The following HTR5A variants were observed in gnomAD, a reference collection of about 807,000 sequenced individuals.
HTR5A encodes the protein 5-HT-5.
HTR5A carries 21 observed loss-of-function variants against 24.3 expected under a neutral mutation model. The observed-to-expected ratio is 0.86, with a 90% CI of 0.61 to 1.24. The LOEUF is 1.24. Ranked by LOEUF, HTR5A falls within the 50% of genes most tolerant of loss-of-function variation. The pLI is 0.00. For synonymous variants in HTR5A, 260 were observed against 213.7 expected (o/e 1.22, Z -1.89); for missense variants, 497 against 489.5 (o/e 1.02, Z -0.15).
In HTR5A at chr7:155,085,993, G is replaced by A. The variant is rs192832498; in HGVS notation, c.*1506G>A. On this transcript the variant is annotated 3_prime_UTR_variant, in exon 2 of 2. Coordinates refer to ENST00000287907, the MANE Select transcript of HTR5A (RefSeq NM_024012.4). ...TCAAGCAGATTCATTGAGAAATTTA[G>A]TGATAAGAATTGAAGAATTTATTTA... 2.0e-5 allele frequency among the ~76,000 whole-genome samples: 3 copies of A among 152,272 alleles called. No homozygotes were observed. The highest frequency in any genetic ancestry group is 7.2e-5 in the African/African-American group (3 of 41,566).
intron 1 of HTR5A, among the ~76,000 whole-genome samples, chr7:155,080,387 A>C (rs1795402855): frequency 6.6e-6 from 1 of 152,216 alleles, no homozygotes; most frequent in Non-Finnish European, 1.5e-5. Context: ...AAATACATTG[A>C]GCAATAAGAG....
intron 1 of HTR5A, among the ~76,000 whole-genome samples, chr7:155,073,864 T>TATATATATATATATATAC (rs1563419431): frequency 4.2e-5 from 3 of 71,418 alleles, no homozygotes; most frequent in African/African-American, 1.6e-4. Context: ...TGTGTGTGTG[T>TATATATATATATATATAC]GTATATATAT....
intron 1 of HTR5A, among the ~76,000 whole-genome samples, chr7:155,072,317 C>G (rs1218034222): frequency 1.3e-5 from 2 of 152,122 alleles, no homozygotes; most frequent in Non-Finnish European, 2.9e-5. Context: ...ATGGGTCTAT[C>G]CCCCACAGCC....
At chr7:155,072,227 C>T (rs914314725) in intron 1 of HTR5A, among the ~76,000 whole-genome samples, 10 of 152,172 alleles carry the variant, frequency 6.6e-5, no homozygotes, top group African/African-American at 9.7e-5. Context: ...CCCGTCCTGA[C>T]GTAAGACTGA....
At chr7:155,075,612 G>A (rs956293677) in intron 1 of HTR5A, among the ~76,000 whole-genome samples, 1 of 152,166 alleles carries the variant, frequency 6.6e-6, no homozygotes, top group Non-Finnish European at 1.5e-5. Flanking sequence ...TTGTGTATCT[G>A]TTAGGTAGCT....
chr7:155,071,523 C>G lies in HTR5A; in HGVS notation c.624C>G (p.Ala208=). ...ACGCCGTGTTCTCCACCGTAGGCGCCTTCTACCTGCCGCTCTGTGTGGTGC... is the reference window on the plus strand; with the variant it reads ...ACGCCGTGTTCTCCACCGTAGGCGCGTTCTACCTGCCGCTCTGTGTGGTGC... ...PSYAVFSTVG[A]FYLPLCVVLF... The change falls in exon 1 of 2, where the codon GCC becomes GCG. Residue 208 remains alanine (A), a synonymous_variant. Coordinates refer to ENST00000287907, the MANE Select transcript of HTR5A (RefSeq NM_024012.4). The G allele has an allele frequency of 1.2e-6, 2 of 1,614,194 alleles. No individual in the cohort carries two copies.
intron 1 of HTR5A, chr7:155,077,339 A>T (rs985945712): frequency 6.6e-6 from 1 of 152,196 alleles, no homozygotes; most frequent in Non-Finnish European, 1.5e-5. Flanking sequence ...GAATTCTTCC[A>T]TTAAGTAAAG....
At chr7:155,077,652 C>T (rs1409138700) in intron 1 of HTR5A, among the ~76,000 whole-genome samples, 1 of 151,818 alleles carries the variant, frequency 6.6e-6, no homozygotes, top group Non-Finnish European at 1.5e-5. Flanking sequence ...TTAGTACAGA[C>T]AGGGGTTTCA....
chr7:155,077,252 G>T (rs1795368000), intron 1 of HTR5A: 1 of 152,184 alleles, frequency 6.6e-6, no homozygotes, highest in South Asian at 2.1e-4. Flanking sequence ...ATAGATTAAA[G>T]AAGTATTCTT....
intron 1 of HTR5A, among the ~76,000 whole-genome samples, chr7:155,072,167 T>G (rs1255925569): frequency 6.6e-6 from 1 of 152,170 alleles, no homozygotes; most frequent in Non-Finnish European, 1.5e-5. Context: ...CAGCAGCCGG[T>G]TTATTAAAAA....
At chr7:155,079,011 A>G (rs1055221874) in intron 1 of HTR5A, among the ~76,000 whole-genome samples, 1 of 150,202 alleles carries the variant, frequency 6.7e-6, no homozygotes, top group African/African-American at 2.5e-5. Context: ...GCTAGAGTGC[A>G]GTGGCACAAC....
chr7:155,073,857 G>A (rs1795326265), intron 1 of HTR5A, among the ~76,000 whole-genome samples: 1 of 71,742 alleles, frequency 1.4e-5, no homozygotes, highest in Non-Finnish European at 2.7e-5. Context: ...ATACATATGT[G>A]TGTGTGTGTA....
At position 155,071,438 on chromosome 7, in the gene HTR5A, G is replaced by T. The variant is rs1486203472; in HGVS notation, c.539G>T (p.Gly180Val). ...AVISLAPLLF[G>V]WGETYSEGSE... is the part of the protein sequence containing the mutation. ...ATCTCTCTGGCCCCGCTGCTTTTTGGCTGGGGAGAGACGTACTCTGAGGGC... is the reference window on the plus strand; with the variant it reads ...ATCTCTCTGGCCCCGCTGCTTTTTGTCTGGGGAGAGACGTACTCTGAGGGC... The change falls in exon 1 of 2, where the codon GGC (glycine) becomes GTC (valine). Residue 180 changes from glycine to valine, a missense_variant. Physicochemically the swap from Gly to Val is moderately radical, Grantham distance 109 (BLOSUM62 -3). Transcript: ENST00000287907. 53 of 1,614,050 alleles carry T rather than the reference G, an allele frequency of 3.3e-5. No homozygotes were observed. The highest frequency in any genetic ancestry group is 4.5e-5 in the Non-Finnish European group (53 of 1,180,028).
In HTR5A at chr7:155,071,098, C is replaced by A; in HGVS notation, c.199C>A (p.Arg67Ser). 1 of 1,607,336 alleles carries A rather than the reference C, an allele frequency of 6.2e-7. No homozygotes were observed. The highest frequency in any genetic ancestry group is 8.5e-7 in the Non-Finnish European group (1 of 1,179,988). The change falls in exon 1 of 2, where the codon CGT becomes AGT. Residue 67 changes from arginine (R) to serine (S), a missense_variant. Physicochemically the swap from Arg to Ser is moderately radical, Grantham distance 110. Coordinates refer to ENST00000287907, the MANE Select transcript of HTR5A (RefSeq NM_024012.4). ...CCTGCTGGTGCTGGCGACCATCCTC[C>A]GTGTACGCACCTTCCACCGCGTGCC... is the stretch of plus-strand genomic sequence containing the variant. ...WNLLVLATILRVRTFHRVPHN... is the reference protein window; with the variant it reads ...WNLLVLATILSVRTFHRVPHN...
chr7:155,073,048 C>A (rs1045822155), intron 1 of HTR5A, among the ~76,000 whole-genome samples: 1 of 152,074 alleles, frequency 6.6e-6, no homozygotes, highest in African/African-American at 2.4e-5. Flanking sequence ...GGGCCAGGTG[C>A]GGTGGCTCAC....
At position 155,085,202 on chromosome 7, in the gene HTR5A, G is replaced by A. The variant is rs1464958920; in HGVS notation, c.*715G>A. The A allele has an allele frequency of 6.6e-6, 1 of 152,186 alleles. No individual in the cohort carries two copies. Among genetic ancestry groups the A allele is most frequent in the Non-Finnish European group, 1.5e-5 (1 of 68,050 alleles). The allele number at this position is 152,186 out of a possible 1,614,324, so 9.4% of individuals were successfully genotyped here. A position where few individuals can be genotyped will look rare whatever the true frequency, so the allele number is the denominator to read the frequency against. On this transcript the variant is annotated 3_prime_UTR_variant, in exon 2 of 2. Coordinates refer to ENST00000287907, the MANE Select transcript of HTR5A (RefSeq NM_024012.4). Reference sequence around the variant, plus strand: ...CCGTTGACATGAAACAGGCACTGAGGGTAACTACTTCCTTTCATTTTGAAG... The same window carrying A: ...CCGTTGACATGAAACAGGCACTGAGAGTAACTACTTCCTTTCATTTTGAAG...
chr7:155,071,828 G>GGGC (rs1795299201), intron 1 of HTR5A, among the ~76,000 whole-genome samples, 188 bp downstream of exon 1: 1 of 152,164 alleles, frequency 6.6e-6, no homozygotes, highest in Admixed American at 6.5e-5. Flanking sequence ...CCCTCTCACA[G>GGGC]GGCTAATCAT....
At position 155,087,334 on chromosome 7, in the gene HTR5A, A is replaced by G. The variant is rs76549250; in HGVS notation, c.*2847A>G. 7.1e-3 allele frequency among the ~76,000 whole-genome samples: 1,086 copies of G among 152,310 alleles called. 22 individuals are homozygous for G. Among genetic ancestry groups the G allele is most frequent in the African/African-American group, 0.025 (1,041 of 41,578 alleles). On this transcript the variant is annotated 3_prime_UTR_variant, in exon 2 of 2. Transcript: ENST00000287907. ...CTGCTCACAGCCAAAGAGGCTGTAG[A>G]GACAACACTTTGCCATATTTCTATT...
intron 1 of HTR5A, among the ~76,000 whole-genome samples, chr7:155,083,108 G>A (rs928295907): frequency 2.1e-4 from 31 of 151,134 alleles, no homozygotes; most frequent in African/African-American, 7.0e-4. Flanking sequence ...AGTTCCTTTC[G>A]AGTCCACTTT....
Sources: gnomAD v4.1 joint callset for allele counts (sites outside exome capture counted in the v4.1 genomes callset) on GRCh38, gnomAD v4.1.1 for gene constraint, MANE v1.5 for transcripts, NCBI Gene and HGNC (gene_info 2026-07-23, HGNC 2026-07-21) for gene names.